The following AFF2 variants were observed in gnomAD, a reference collection of about 807,000 sequenced individuals.
The protein encoded by AFF2 is ALF transcription elongation factor 2, also known as AF4/FMR2 family member 2.
Under a neutral mutation model 76.9 loss-of-function variants are expected in AFF2, and 14 were observed. The ratio of observed to expected loss-of-function variants is 0.18; its 90% CI spans 0.12 to 0.28. The LOEUF (loss-of-function observed/expected upper bound fraction) is 0.28. Among genes scored for constraint, AFF2 ranks in the 10% least tolerant of loss-of-function variants. The pLI, the probability that AFF2 is intolerant of heterozygous loss-of-function variation, is 1.00. For synonymous variants in AFF2, 398 were observed against 366.7 expected, an observed-to-expected ratio of 1.09 and a Z score of -0.98; for missense variants, 868 against 1,001.1, an observed-to-expected ratio of 0.87 and a Z score of 1.79.
At chrX:148,915,609 C>T (rs1445482841) in intron 9 of AFF2, among the ~76,000 whole-genome samples, 7 of 112,287 alleles carry the variant, frequency 6.2e-5, no homozygotes, top group Non-Finnish European at 7.5e-5. Flanking sequence ...CATTATCAAA[C>T]GCTGCAGTGT....
chrX:148,522,960 A>G (rs1463012232), intron 1 of AFF2, among the ~76,000 whole-genome samples: 1 of 112,204 alleles, frequency 8.9e-6, no homozygotes, highest in African/African-American at 3.2e-5. Flanking sequence ...AAATCATGCA[A>G]ATTTCCTGAG....
intron 1 of AFF2, among the ~76,000 whole-genome samples, chrX:148,599,507 G>A (rs1557247779): frequency 9.0e-6 from 1 of 110,818 alleles, no homozygotes; most frequent in Non-Finnish European, 1.9e-5. Flanking sequence ...TTTGTGGTCA[G>A]CGTTATGAAT....
chrX:148,955,347 G>C (rs1246057472), intron 10 of AFF2, among the ~76,000 whole-genome samples: 6 of 112,779 alleles, frequency 5.3e-5, no homozygotes, highest in Non-Finnish European at 3.8e-5. Flanking sequence ...GGCCAAACTA[G>C]AGAATATTTT....
intron 3 of AFF2, among the ~76,000 whole-genome samples, chrX:148,755,682 G>A (rs1557266835): frequency 2.7e-5 from 3 of 111,518 alleles, no homozygotes; most frequent in Non-Finnish European, 5.7e-5. Context: ...ATTATCATAC[G>A]GTAAAATATC....
intron 7 of AFF2, among the ~76,000 whole-genome samples, chrX:148,872,769 G>A (rs1444689652): frequency 4.5e-5 from 5 of 111,652 alleles, no homozygotes; most frequent in African/African-American, 9.8e-5. Flanking sequence ...CCCTCATCCT[G>A]ATATCCTCAC....
chrX:148,970,911 A>G (rs2124395803), intron 15 of AFF2, among the ~76,000 whole-genome samples: 1 of 111,803 alleles, frequency 8.9e-6, no homozygotes, highest in South Asian at 3.8e-4. Flanking sequence ...CTTAGTTGCA[A>G]GTACTGTCTA....
At chrX:148,524,448 G>A (rs2052637019) in intron 1 of AFF2, among the ~76,000 whole-genome samples, 1 of 111,106 alleles carries the variant, frequency 9.0e-6, no homozygotes, top group Admixed American at 9.6e-5. Flanking sequence ...CTTTTCAAAT[G>A]TACCATATGG....
chrX:148,615,127 A>T (rs1488137487), intron 1 of AFF2, among the ~76,000 whole-genome samples: 1 of 111,344 alleles, frequency 9.0e-6, no homozygotes, highest in Non-Finnish European at 1.9e-5. Context: ...CATCCAGCAC[A>T]ATTCATGCCT....
chrX:148,792,380 G>A (rs1176448152), intron 3 of AFF2, among the ~76,000 whole-genome samples: 1 of 112,676 alleles, frequency 8.9e-6, no homozygotes, highest in East Asian at 2.8e-4. Context: ...TTGAACTCAG[G>A]AGGCGGAGAT....
intron 8 of AFF2, among the ~76,000 whole-genome samples, chrX:148,900,206 G>A (rs1297849818): frequency 1.8e-5 from 2 of 110,998 alleles, no homozygotes; most frequent in Admixed American, 9.6e-5. Context: ...TGTATGCCAC[G>A]TGGATGGGAC....
intron 3 of AFF2, among the ~76,000 whole-genome samples, chrX:148,755,732 A>G (rs1432494144): frequency 1.8e-5 from 2 of 111,617 alleles, no homozygotes; most frequent in Admixed American, 9.5e-5. Context: ...CTATCCATCT[A>G]TCTATCTATC....
chrX:148,688,179 A>G (rs947637999), intron 3 of AFF2, among the ~76,000 whole-genome samples: 4 of 110,856 alleles, frequency 3.6e-5, no homozygotes, highest in African/African-American at 1.3e-4. Context: ...TGGTTTTCTT[A>G]CCTCTGGCCC....
At chrX:148,709,463 A>G (rs887948847) in intron 3 of AFF2, among the ~76,000 whole-genome samples, 2 of 112,164 alleles carry the variant, frequency 1.8e-5, no homozygotes, top group Non-Finnish European at 3.8e-5. Flanking sequence ...AAAACACAAT[A>G]TGTTATTTGT....
intron 3 of AFF2, among the ~76,000 whole-genome samples, chrX:148,663,576 C>A (rs1278893321): frequency 8.9e-6 from 1 of 112,469 alleles, no homozygotes; most frequent in African/African-American, 3.2e-5. Flanking sequence ...GGGGGTCATG[C>A]ATGGTGCTGC....
At chrX:148,861,253 C>A (rs2124054257) in intron 7 of AFF2, among the ~76,000 whole-genome samples, 1 of 111,612 alleles carries the variant, frequency 9.0e-6, no homozygotes. Flanking sequence ...TTATTTATGC[C>A]ATGCAAATGA....
chrX:148,700,891 C>T (rs1443819598), intron 3 of AFF2, among the ~76,000 whole-genome samples: 5 of 110,971 alleles, frequency 4.5e-5, no homozygotes, highest in African/African-American at 1.3e-4. Context: ...TTATAAGGCT[C>T]AAAATTAACT....
intron 1 of AFF2, among the ~76,000 whole-genome samples, chrX:148,642,441 A>G (rs1260092243): frequency 3.6e-5 from 4 of 112,642 alleles, no homozygotes; most frequent in African/African-American, 9.7e-5. Flanking sequence ...AAAATAAAAC[A>G]CCTTTTAAAA....
At chrX:148,817,371 C>T (rs908100045) in intron 4 of AFF2, among the ~76,000 whole-genome samples, 1 of 110,575 alleles carries the variant, frequency 9.0e-6, no homozygotes, top group Middle Eastern at 4.7e-3. Flanking sequence ...AAATATAAAC[C>T]GGTGGATGAA....
At chrX:148,713,130 A>G (rs1259339580) in intron 3 of AFF2, among the ~76,000 whole-genome samples, 1 of 111,153 alleles carries the variant, frequency 9.0e-6, no homozygotes, top group Non-Finnish European at 1.9e-5. Flanking sequence ...TGAAAAATAT[A>G]AAGAGGCCAT....
Sources: allele counts gnomAD v4.1 joint callset (sites outside exome capture counted in the v4.1 genomes callset), GRCh38; gene constraint gnomAD v4.1.1; transcripts MANE v1.5; gene names NCBI Gene and HGNC (gene_info 2026-07-23, HGNC 2026-07-21).